Variants in ZNF382 observed in about 807,000 individuals in gnomAD.
ZNF382 encodes KRAB/zinc finger suppressor protein 1.
A neutral mutation model predicts 38.8 loss-of-function variants in ZNF382; 20 were observed. That is an observed-to-expected ratio of 0.51 (90% confidence interval 0.36 to 0.75). ZNF382 has a LOEUF of 0.75. Among genes scored for constraint, ZNF382 ranks in the 30% least tolerant of loss-of-function variants. ZNF382 has a pLI of 0.00. For synonymous variants in ZNF382, 202 were observed against 223.1 expected (o/e 0.91, Z 0.84); for missense variants, 546 against 654.1 (o/e 0.83, Z 1.80).
In ZNF382 at chr19:36,609,936, T is replaced by A. The variant is rs898277119; in HGVS notation, c.22T>A (p.Ser8Thr). MPLQGSVSFKDVTVDFTQ... is the reference protein window; with the variant it reads MPLQGSVTFKDVTVDFTQ... ...GAGTATGCCCTTACAGGGATCAGTG[T>A]CATTCAAGGATGTGACTGTGGACTT... is the stretch of plus-strand genomic sequence containing the variant. Residue 8 changes from serine (S) to threonine (T), a missense_variant, in exon 3 of 5, where the codon TCA (serine) becomes ACA (threonine). Physicochemically the swap from Ser to Thr is moderately conservative, Grantham distance 58. Transcript: ENST00000292928. 1.9e-5 allele frequency: 30 copies of A among 1,613,562 alleles called. No individual in the cohort carries two copies. Among genetic ancestry groups the A allele is most frequent in the Non-Finnish European group, 2.5e-5 (30 of 1,179,894 alleles).
chr19:36,607,077 C>CAA (rs536882974), intron 1 of ZNF382, among the ~76,000 whole-genome samples: 2,134 of 88,816 alleles, frequency 0.024, 56 homozygotes, highest in African/African-American at 0.084. Context: ...AACTCTGTCT[C>CAA]AAAAAAAAAA....
intron 4 of ZNF382, among the ~76,000 whole-genome samples, 197 bp from the exon 5 acceptor site, chr19:36,625,932 TA>T (rs2037209285): frequency 6.6e-6 from 1 of 152,194 alleles, no homozygotes; most frequent in Non-Finnish European, 1.5e-5. Flanking sequence ...GTTTTTTGCT[TA>T]TGCCAGTTTT....
chr19:36,614,919 C>CTTTCCG (rs1568628643), intron 4 of ZNF382, among the ~76,000 whole-genome samples: 1 of 80,952 alleles, frequency 1.2e-5, no homozygotes, highest in African/African-American at 4.9e-5. Flanking sequence ...CTTTCCTTCC[C>CTTTCCG]TTTCCCTTTC....
intron 4 of ZNF382, among the ~76,000 whole-genome samples, chr19:36,621,355 T>C (rs1460286885): frequency 6.6e-6 from 1 of 151,396 alleles, no homozygotes; most frequent in Non-Finnish European, 1.5e-5. Context: ...TTCCAGTTTT[T>C]TCTGTCATTA....
Position 36,633,771 on chromosome 19 carries a change from T to TG in ZNF382, c.*6222dup, listed in dbSNP as rs2037269131. ...ATAACAATAATGAGCTACTGAAACATGCAGCTACATAGATGAACCTCAAAT... is the reference window on the plus strand; with the variant it reads ...ATAACAATAATGAGCTACTGAAACATGGCAGCTACATAGATGAACCTCAAAT... On this transcript the variant is annotated 3_prime_UTR_variant, in exon 5 of 5. Coordinates refer to ENST00000292928, the MANE Select transcript of ZNF382 (RefSeq NM_032825.5). 1 of 152,156 alleles carries TG rather than the reference T, an allele frequency of 6.6e-6. No individual in the cohort carries two copies. The highest frequency in any genetic ancestry group is 2.4e-5 in the African/African-American group (1 of 41,430). 9.4% of individuals were successfully genotyped at this position (152,156 alleles called of 1,614,324 possible). A position where few individuals can be genotyped will look rare whatever the true frequency, so the allele number is the denominator to read the frequency against.
At chr19:36,612,916 C>T (rs1251437704) in intron 4 of ZNF382, among the ~76,000 whole-genome samples, 1 of 152,094 alleles carries the variant, frequency 6.6e-6, no homozygotes, top group Non-Finnish European at 1.5e-5. Context: ...CTCAGCCTCC[C>T]GAGTAGCTGG....
In ZNF382 at chr19:36,633,789, C is replaced by T. The variant is rs2037269372; in HGVS notation, c.*6239C>T. 1 of 152,100 alleles carries T rather than the reference C, an allele frequency of 6.6e-6. No homozygotes were observed. The highest frequency in any genetic ancestry group is 6.6e-5 in the Admixed American group (1 of 15,264). The allele number at this position is 152,100 out of a possible 1,614,324, so 9.4% of individuals were successfully genotyped here. On this transcript the variant is annotated 3_prime_UTR_variant, in exon 5 of 5. Transcript: ENST00000292928. The stretch of plus-strand genomic sequence containing the variant: ...TGAAACATGCAGCTACATAGATGAA[C>T]CTCAAATGCATTACGCTAAAGGAAA...
intron 4 of ZNF382, among the ~76,000 whole-genome samples, chr19:36,620,501 T>G (rs964086792): frequency 2.0e-5 from 3 of 152,222 alleles, no homozygotes; most frequent in African/African-American, 7.2e-5. Flanking sequence ...AAGCATTTTA[T>G]TCACTCTCAG....
Position 36,627,606 on chromosome 19 carries a change from T to C in ZNF382, c.*56T>C, listed in dbSNP as rs559307632. 7.4e-7 allele frequency: 1 copy of C among 1,356,104 alleles called. No homozygotes were observed. The highest frequency in any genetic ancestry group is 1.9e-5 in the Admixed American group (1 of 53,768). 84.0% of individuals were successfully genotyped at this position (1,356,104 alleles called of 1,614,324 possible). ...AAGTCATAGTAAACCCTGTAGATGA[T>C]GTTGCTTGCAAGCGTAATATCCAAC... On this transcript the variant is annotated 3_prime_UTR_variant, in exon 5 of 5. Transcript: ENST00000292928.
intron 4 of ZNF382, among the ~76,000 whole-genome samples, chr19:36,622,643 G>A (rs1008955783): frequency 1.1e-4 from 16 of 152,020 alleles, no homozygotes; most frequent in South Asian, 2.1e-4. Flanking sequence ...AGTTTCCAGC[G>A]CCTTAGGAAG....
At position 36,610,012 on chromosome 19, in the gene ZNF382, G is replaced by A; in HGVS notation, c.98G>A (p.Arg33Lys). The A allele has an allele frequency of 6.2e-7, 1 of 1,613,672 alleles. No homozygotes were observed. Among genetic ancestry groups the A allele is most frequent in the Non-Finnish European group, 8.5e-7 (1 of 1,179,904 alleles). Residue 33 changes from arginine to lysine, a missense_variant, in exon 3 of 5, where the codon AGG (arginine) becomes AAG (lysine). Coordinates refer to ENST00000292928, the MANE Select transcript of ZNF382 (RefSeq NM_032825.5). ...QLDPAQKALYRDVMLENYCHF... is the reference protein window; with the variant it reads ...QLDPAQKALYKDVMLENYCHF... ...GACCCTGCTCAGAAGGCGCTTTACAGGGATGTGATGTTGGAAAACTATTGC... is the reference window on the plus strand; with the variant it reads ...GACCCTGCTCAGAAGGCGCTTTACAAGGATGTGATGTTGGAAAACTATTGC...
chr19:36,625,500 A>C (rs1490140670), intron 4 of ZNF382, among the ~76,000 whole-genome samples: 1 of 149,736 alleles, frequency 6.7e-6, no homozygotes, highest in Non-Finnish European at 1.5e-5. Context: ...TGAATCTTCC[A>C]TTCCAAGTAG....
chr19:36,612,682 G>A (rs1041638767), intron 4 of ZNF382, among the ~76,000 whole-genome samples: 4 of 152,040 alleles, frequency 2.6e-5, no homozygotes, highest in Admixed American at 2.0e-4. Context: ...GTATAACTTC[G>A]CAGTTTTAAT....
chr19:36,624,046 G>A (rs952081433), intron 4 of ZNF382, among the ~76,000 whole-genome samples: 3 of 151,796 alleles, frequency 2.0e-5, no homozygotes, highest in Non-Finnish European at 4.4e-5. Context: ...CTGAGACCAC[G>A]CTGTTGCACT....
At chr19:36,608,731 G>A (rs914980803) in intron 2 of ZNF382, 1 of 152,214 alleles carries the variant, frequency 6.6e-6, no homozygotes, top group Non-Finnish European at 1.5e-5. Context: ...CCACCTGTAT[G>A]TTCCACAGAC....
Position 36,607,553 on chromosome 19 carries a change from A to G in ZNF382, c.-83A>G, listed in dbSNP as rs534322889. 10 of 1,523,412 alleles carry G rather than the reference A, an allele frequency of 6.6e-6. No individual in the cohort carries two copies. In the South Asian group the frequency reaches 1.1e-4, roughly 16 times the overall value. 94.4% of individuals were successfully genotyped at this position (1,523,412 alleles called of 1,614,324 possible). A position where few individuals can be genotyped will look rare whatever the true frequency, so the allele number is the denominator to read the frequency against. On this transcript the variant is annotated splice_region_variant and 5_prime_UTR_variant, in exon 2 of 5. Coordinates refer to ENST00000292928, the MANE Select transcript of ZNF382 (RefSeq NM_032825.5). ...TATCCTCCATCTTTGCTTTCTCAGG[A>G]CTGTTTCTTTTTCCAAAAGAGGAGC...
At position 36,631,128 on chromosome 19, in the gene ZNF382, A is replaced by T. The variant is rs1825821177; in HGVS notation, c.*3578A>T. 6.6e-6 allele frequency: 1 copy of T among 151,976 alleles called. No homozygotes were observed. Among genetic ancestry groups the T allele is most frequent in the African/African-American group, 2.4e-5 (1 of 41,370 alleles). 9.4% of individuals were successfully genotyped at this position (151,976 alleles called of 1,614,324 possible). A position where few individuals can be genotyped will look rare whatever the true frequency, so the allele number is the denominator to read the frequency against. On this transcript the variant is annotated 3_prime_UTR_variant, in exon 5 of 5. Coordinates refer to ENST00000292928, the MANE Select transcript of ZNF382 (RefSeq NM_032825.5). ...GAATTGATAAATACAGCATTGCATC[A>T]CTTAATAGGGATACATTCTGAGAAA...
intron 4 of ZNF382, among the ~76,000 whole-genome samples, chr19:36,625,757 C>T (rs916613210): frequency 3.3e-5 from 5 of 152,114 alleles, no homozygotes; most frequent in African/African-American, 1.2e-4. Context: ...CAGGGTTTCA[C>T]CATGTTGGCC....
chr19:36,621,642 G>A (rs1037863009), intron 4 of ZNF382, among the ~76,000 whole-genome samples: 1 of 151,426 alleles, frequency 6.6e-6, no homozygotes, highest in Non-Finnish European at 1.5e-5. Context: ...AATCAGTATA[G>A]TATAACAACT....
Sources: allele counts gnomAD v4.1 joint callset (sites outside exome capture counted in the v4.1 genomes callset), GRCh38; gene constraint gnomAD v4.1.1; transcripts MANE v1.5; gene names NCBI Gene and HGNC (gene_info 2026-07-23, HGNC 2026-07-21).